Variants in PRRC2C observed in about 807,000 individuals in gnomAD.
PRRC2C encodes the protein protein PRRC2C.
PRRC2C carries 72 observed loss-of-function variants against 317.2 expected under a neutral mutation model. The ratio of observed to expected loss-of-function variants is 0.23; its 90% CI spans 0.19 to 0.28. PRRC2C has a LOEUF of 0.28. Among genes scored for constraint, PRRC2C ranks in the 10% least tolerant of loss-of-function variants. The pLI is 1.00. For synonymous variants in PRRC2C, 1,296 were observed against 1,205.9 expected (o/e 1.07, Z -1.55); for missense variants, 3,074 against 3,459.7 (o/e 0.89, Z 2.80).
rs767070741 is a variant in PRRC2C, at chr1:171,584,052, A to C, written c.7506A>C (p.Glu2502Asp). The C allele has an allele frequency of 1.2e-6, 2 of 1,613,996 alleles. No individual in the cohort carries two copies. The highest frequency in any genetic ancestry group is 2.2e-5 in the South Asian group (2 of 91,082). Residue 2502 changes from glutamate to aspartate, a missense_variant, in exon 29 of 35, where the codon GAA becomes GAC. Transcript: ENST00000647382. Reference sequence around the variant, plus strand: ...ACTTTCCAACTGTCCAACACCAAGAACTTGCCAAGGCACAATCCGGTCTTG... The same window carrying C: ...ACTTTCCAACTGTCCAACACCAAGACCTTGCCAAGGCACAATCCGGTCTTG... ...IHNFPTVQHQ[E>D]LAKAQSGLAF...
chr1:171,542,270 A>C (rs1678074391), intron 16 of PRRC2C, 41 bp downstream of exon 16: 5 of 1,416,478 alleles, frequency 3.5e-6, no homozygotes, highest in Non-Finnish European at 4.7e-6. Context: ...TTGCACCTTT[A>C]AAGAAGCTAA....
intron 32 of PRRC2C, 40 bp downstream of exon 32, chr1:171,587,791 T>G (rs769895187): frequency 6.9e-7 from 1 of 1,445,452 alleles, no homozygotes; most frequent in South Asian, 1.2e-5. Context: ...AATTCCAATT[T>G]GGTCACTATT....
At position 171,566,922 on chromosome 1, in the gene PRRC2C, CT is replaced by C. The variant is rs377704801; in HGVS notation, c.6558+89del. 4,985 of 1,215,942 alleles carry C rather than the reference CT, an allele frequency of 4.1e-3. 1 individual carries two copies. Among genetic ancestry groups the C allele is most frequent in the South Asian group, 9.2e-3 (491 of 53,502 alleles). 75.3% of individuals were successfully genotyped at this position (1,215,942 alleles called of 1,614,324 possible). On this transcript the variant is annotated intron_variant, in intron 22 of 34. Transcript: ENST00000647382. The stretch of plus-strand genomic sequence containing the variant: ...GAACGAGAAGAACAGCAACAGTCTG[CT>C]TTTTTTTTTCCTGCTGAGGCATATA...
rs140654419 is a variant in PRRC2C at position 171,589,582 on chromosome 1, T to C, written c.8413T>C (p.Leu2805=). The change falls in exon 34 of 35, where the codon TTG becomes CTG. Residue 2805 remains leucine, a synonymous_variant. Transcript: ENST00000647382. ...CAGAGGTAATCAGGCCCAGGCTGCG[T>C]TGAAGGCTGAACAAGACATGAAGGT... ...GVRGNQAQAA[L]KAEQDMKAKQ... is the part of the protein sequence containing the mutation. The C allele has an allele frequency of 1.6e-6, 2 of 1,289,706 alleles. No individual in the cohort carries two copies. Among genetic ancestry groups the C allele is most frequent in the African/African-American group, 1.5e-5 (1 of 65,960 alleles). 79.9% of individuals were successfully genotyped at this position (1,289,706 alleles called of 1,614,324 possible).
chr1:171,510,404 A>T lies in PRRC2C; in HGVS notation c.-57-1628A>T, dbSNP rs963330341. On this transcript the variant is annotated intron_variant, in intron 1 of 34. Transcript: ENST00000647382. ...GCAAGTTGACTGTTTTTCTTGATAC[A>T]TCAGTTCCTTTTTTTTTCACCTGAT... is the stretch of plus-strand genomic sequence containing the variant. The T allele has an allele frequency of 5.9e-5, 9 of 152,166 alleles. 1 individual carries two copies. Among genetic ancestry groups the T allele is most frequent in the Non-Finnish European group, 1.2e-4 (8 of 68,026 alleles). The allele number at this position is 152,166 out of a possible 1,614,324, so 9.4% of individuals were successfully genotyped here.
At chr1:171,533,407 C>A (rs1676224733) in intron 12 of PRRC2C, among the ~76,000 whole-genome samples, 1 of 151,584 alleles carries the variant, frequency 6.6e-6, no homozygotes, top group African/African-American at 2.4e-5. Context: ...TCAGTTTAAA[C>A]ATGCAAGCTT....
intron 1 of PRRC2C, chr1:171,510,726 G>A (rs1012977494): frequency 6.6e-6 from 1 of 152,140 alleles, no homozygotes; most frequent in Non-Finnish European, 1.5e-5. Flanking sequence ...ATGGTTTATT[G>A]TAAACGTATA....
At chr1:171,527,761 A>G (rs1283207286) in intron 10 of PRRC2C, 30 bp from the exon 11 acceptor site, 1 of 1,530,466 alleles carries the variant, frequency 6.5e-7, no homozygotes, top group East Asian at 2.4e-5. Flanking sequence ...CTCCAAAATA[A>G]TAAGAATAAT....
chr1:171,556,329 A>G (rs1205811330), intron 18 of PRRC2C, among the ~76,000 whole-genome samples: 1 of 152,128 alleles, frequency 6.6e-6, no homozygotes, highest in African/African-American at 2.4e-5. Context: ...ACAGTCTGTC[A>G]TGACTTCCCT....
intron 19 of PRRC2C, among the ~76,000 whole-genome samples, chr1:171,559,257 G>T (rs1201472822): frequency 6.6e-6 from 1 of 152,212 alleles, no homozygotes; most frequent in African/African-American, 2.4e-5. Flanking sequence ...GCAGCCTTCT[G>T]TTGGAAGGAG....
At position 171,545,642 on chromosome 1, in the gene PRRC2C, G is replaced by A; in HGVS notation, c.4927G>A (p.Glu1643Lys). ...CAAACCAGGCCCTAAAAAACCAAAAGAGAAAGTGGATGCTCTATCACAGTT... is the reference window on the plus strand; with the variant it reads ...CAAACCAGGCCCTAAAAAACCAAAAAAGAAAGTGGATGCTCTATCACAGTT... ...DPKPGPKKPK[E>K]KVDALSQFDL... is the part of the protein sequence containing the mutation. Residue 1643 changes from glutamate to lysine, a missense_variant, in exon 17 of 35, where the codon GAG becomes AAG. Glu to Lys is a moderately conservative substitution (Grantham distance 56). Coordinates refer to ENST00000647382, the MANE Select transcript of PRRC2C (RefSeq NM_001387844.1). The A allele has an allele frequency of 6.2e-7, 1 of 1,613,246 alleles. No individual in the cohort carries two copies. Among genetic ancestry groups the A allele is most frequent in the Non-Finnish European group, 8.5e-7 (1 of 1,179,490 alleles).
chr1:171,510,407 A>G (rs1187718813), intron 1 of PRRC2C: 5 of 152,122 alleles, frequency 3.3e-5, no homozygotes, highest in Admixed American at 3.3e-4. Flanking sequence ...TTGATACATC[A>G]GTTCCTTTTT....
chr1:171,488,437 C>T (rs965666304), intron 1 of PRRC2C, among the ~76,000 whole-genome samples: 7 of 152,184 alleles, frequency 4.6e-5, no homozygotes, highest in Non-Finnish European at 8.8e-5. Context: ...CTAATCTCAT[C>T]GATGCATGAG....
At chr1:171,573,966 C>G (rs936185890) in intron 24 of PRRC2C, among the ~76,000 whole-genome samples, 1 of 151,752 alleles carries the variant, frequency 6.6e-6, no homozygotes, top group Non-Finnish European at 1.5e-5. Flanking sequence ...GGTGAGCCAC[C>G]GCACCCGGCC....
intron 1 of PRRC2C, among the ~76,000 whole-genome samples, chr1:171,498,984 T>C (rs960732591): frequency 6.6e-6 from 1 of 152,174 alleles, no homozygotes; most frequent in Non-Finnish European, 1.5e-5. Context: ...ATTGTTCATT[T>C]TGTTTAGAGA....
At chr1:171,585,069 A>C (rs1227017978) in intron 30 of PRRC2C, among the ~76,000 whole-genome samples, 1 of 151,514 alleles carries the variant, frequency 6.6e-6, no homozygotes, top group Non-Finnish European at 1.5e-5. Context: ...GAGCCACCAC[A>C]CCTGGCTGCT....
chr1:171,562,423 T>G (rs1190657416), intron 20 of PRRC2C, among the ~76,000 whole-genome samples: 1 of 152,190 alleles, frequency 6.6e-6, no homozygotes, highest in Non-Finnish European at 1.5e-5. Context: ...TTTCAAATTA[T>G]TCTGGGTTGT....
chr1:171,492,419 T>C (rs1372319825), intron 1 of PRRC2C, among the ~76,000 whole-genome samples: 1 of 152,184 alleles, frequency 6.6e-6, no homozygotes, highest in East Asian at 1.9e-4. Flanking sequence ...GAGTTGGGTG[T>C]TGTGGCATGT....
chr1:171,507,864 C>A (rs964009049), intron 1 of PRRC2C, among the ~76,000 whole-genome samples: 1 of 152,084 alleles, frequency 6.6e-6, no homozygotes, highest in Non-Finnish European at 1.5e-5. Context: ...GTATTTTGCT[C>A]CCTTGGTTAG....
Sources: gnomAD v4.1 joint callset for allele counts (sites outside exome capture counted in the v4.1 genomes callset) on GRCh38, gnomAD v4.1.1 for gene constraint, MANE v1.5 for transcripts, NCBI Gene and HGNC (gene_info 2026-07-23, HGNC 2026-07-21) for gene names.